The following TMEM67 variants were observed in gnomAD, a reference collection of about 807,000 sequenced individuals.
TMEM67 encodes the protein transmembrane protein 67.
TMEM67 carries 124 observed loss-of-function variants against 136.6 expected under a neutral mutation model. That is an observed-to-expected ratio of 0.91 (90% CI 0.78 to 1.05). TMEM67 has a LOEUF of 1.05. Ranked by LOEUF, TMEM67 falls within the 50% of genes least tolerant of loss-of-function variation. The probability of loss-of-function intolerance (pLI) is 0.00; values close to 1 mark genes in which losing one functional copy is unlikely to be tolerated. For synonymous variants in TMEM67, 364 were observed against 390.5 expected, an observed-to-expected ratio of 0.93 and a Z score of 0.80; for missense variants, 1,107 against 1,178.4, an observed-to-expected ratio of 0.94 and a Z score of 0.89.
In TMEM67 at chr8:93,798,544, C is replaced by T. The variant is rs117284345; in HGVS notation, c.2100+1074C>T. Among the ~76,000 whole-genome samples, 40 of 152,280 alleles carry T rather than the reference C, an allele frequency of 2.6e-4. No individual in the cohort carries two copies. The East Asian group carries it at 6.4e-3, about 24-fold the overall frequency. ...GAATTATTAAAGGAAGTATTCAGTA[C>T]TGAGTATAAGACTGAACATGGAAAC... On this transcript the variant is annotated intron_variant, in intron 20 of 27. Coordinates refer to ENST00000453321, the MANE Select transcript of TMEM67 (RefSeq NM_153704.6).
At chr8:93,810,557 G>A (rs1186621017) in intron 26 of TMEM67, among the ~76,000 whole-genome samples, 1 of 152,018 alleles carries the variant, frequency 6.6e-6, no homozygotes, top group Non-Finnish European at 1.5e-5. Context: ...TCCAGCCTGG[G>A]CAACAAGAGT....
chr8:93,814,570 A>G (rs1586100228), intron 26 of TMEM67, among the ~76,000 whole-genome samples: 2 of 151,594 alleles, frequency 1.3e-5, no homozygotes, highest in Non-Finnish European at 2.9e-5. Context: ...TGGTTCATGC[A>G]GTCCTCCCAT....
the TMEM67 span, among the ~76,000 whole-genome samples, chr8:93,832,584 T>C: frequency 4.6e-5 from 7 of 152,290 alleles, no homozygotes; most frequent in Admixed American, 2.0e-4. Flanking sequence ...AGAATAGCAA[T>C]TGGGCCGGGC....
the TMEM67 span, among the ~76,000 whole-genome samples, chr8:93,824,776 C>T: frequency 1.3e-5 from 2 of 152,126 alleles, no homozygotes. Context: ...AGTGCAGTGG[C>T]ACAATCTCGA....
chr8:93,764,964 A>C (rs1813018038), intron 4 of TMEM67, among the ~76,000 whole-genome samples: 1 of 152,200 alleles, frequency 6.6e-6, no homozygotes, highest in Admixed American at 6.5e-5. Context: ...TTTATTTAAA[A>C]GTGTTGGCTG....
At chr8:93,754,848 A>G (rs1404014646), upstream of TMEM67, 1 of 1,469,548 alleles carries the variant, frequency 6.8e-7, no homozygotes, top group South Asian at 1.1e-5. Context: ...TTGTCCAATC[A>G]GCTCAGCGAA....
chr8:93,812,910 A>AT (rs1329180956), intron 26 of TMEM67, among the ~76,000 whole-genome samples: 1 of 151,032 alleles, frequency 6.6e-6, no homozygotes, highest in Non-Finnish European at 1.5e-5. Context: ...TAATTTTTGT[A>AT]TTTTTAGTAG....
At chr8:93,765,277 G>T in intron 4 of TMEM67, 129 bp from the exon 5 acceptor site, 1 of 744,044 alleles carries the variant, frequency 1.3e-6, no homozygotes, top group East Asian at 2.8e-5. Context: ...TTTTAAATTT[G>T]TTTAACATAT....
At chr8:93,781,892 G>T in intron 10 of TMEM67, 148 bp downstream of exon 10, 1 of 515,340 alleles carries the variant, frequency 1.9e-6, no homozygotes, top group Non-Finnish European at 3.4e-6. Flanking sequence ...ACTTTCTTAA[G>T]TTTTTTGTTT....
intron 6 of TMEM67, among the ~76,000 whole-genome samples, chr8:93,769,941 A>G (rs1477172985): frequency 6.6e-6 from 1 of 152,192 alleles, no homozygotes; most frequent in Non-Finnish European, 1.5e-5. Flanking sequence ...TTGTTTGTAT[A>G]ATTTTATAAC....
At chr8:93,830,164 C>T in the TMEM67 span, among the ~76,000 whole-genome samples, 1 of 152,268 alleles carries the variant, frequency 6.6e-6, no homozygotes, top group East Asian at 1.9e-4. Context: ...TCATGCCTAT[C>T]CGAGGACATC....
intron 1 of TMEM67, 96 bp downstream of exon 1, chr8:93,755,233 T>G (rs1156908444): frequency 2.4e-6 from 3 of 1,236,122 alleles, no homozygotes; most frequent in African/African-American, 3.0e-5. Flanking sequence ...TTGATCAGGC[T>G]AGTCTCGAAC....
chr8:93,795,476 G>A lies in TMEM67; in HGVS notation c.1742G>A (p.Gly581Glu). ...LANVFFIITV[G>E]TGLYWLIFFK... is the part of the protein sequence containing the mutation. The stretch of plus-strand genomic sequence containing the variant: ...AATGTTTTCTTTATCATCACAGTGG[G>A]AACAGGTCTTTACTGGCTTATTTTC... Residue 581 changes from glycine to glutamate, a missense_variant, in exon 17 of 28, where the codon GGA (glycine) becomes GAA (glutamate). Physicochemically the swap from Gly to Glu is moderately conservative, Grantham distance 98. Coordinates refer to ENST00000453321, the MANE Select transcript of TMEM67 (RefSeq NM_153704.6). The A allele has an allele frequency of 6.2e-7, 1 of 1,613,938 alleles. No individual in the cohort carries two copies. The highest frequency in any genetic ancestry group is 8.5e-7 in the Non-Finnish European group (1 of 1,179,942).
intron 7 of TMEM67, among the ~76,000 whole-genome samples, chr8:93,773,491 G>C (rs930886556): frequency 2.0e-5 from 3 of 152,216 alleles, no homozygotes; most frequent in African/African-American, 7.2e-5. Context: ...ATCTGAGTGA[G>C]AGATAGTGGA....
chr8:93,762,803 A>G (rs886949521), intron 3 of TMEM67: 3 of 272,882 alleles, frequency 1.1e-5, no homozygotes, highest in African/African-American at 2.3e-5. Flanking sequence ...GATCTACACT[A>G]TATAGCCACA....
At chr8:93,790,412 A>G (rs1041407614) in intron 14 of TMEM67, among the ~76,000 whole-genome samples, 6 of 152,146 alleles carry the variant, frequency 3.9e-5, no homozygotes, top group Admixed American at 6.5e-5. Flanking sequence ...CTTTTCCAAT[A>G]TCCTGTTCCA....
the TMEM67 span, among the ~76,000 whole-genome samples, chr8:93,825,293 C>T: frequency 6.6e-6 from 1 of 152,160 alleles, no homozygotes; most frequent in Non-Finnish European, 1.5e-5. Flanking sequence ...AAGGACAGTG[C>T]TCCAGAAAAA....
At chr8:93,760,925 C>T (rs1363513732) in intron 3 of TMEM67, among the ~76,000 whole-genome samples, 5 of 151,966 alleles carry the variant, frequency 3.3e-5, no homozygotes, top group Admixed American at 2.0e-4. Context: ...AATATTTTAA[C>T]GTGAGAAAAA....
At chr8:93,825,905 A>C in the TMEM67 span, among the ~76,000 whole-genome samples, 2 of 152,280 alleles carry the variant, frequency 1.3e-5, no homozygotes, top group East Asian at 3.9e-4. Flanking sequence ...CAGCCTTCTC[A>C]TACAAAGTTA....
Sources: gnomAD v4.1 joint callset for allele counts (sites outside exome capture counted in the v4.1 genomes callset) on GRCh38, gnomAD v4.1.1 for gene constraint, MANE v1.5 for transcripts, NCBI Gene and HGNC (gene_info 2026-07-23, HGNC 2026-07-21) for gene names.